The following ATP6V1C1 variants were observed in gnomAD, a reference collection of about 807,000 sequenced individuals.
The protein encoded by ATP6V1C1 is V-type proton ATPase subunit C 1.
In ATP6V1C1, 45 loss-of-function variants were observed where a neutral mutation model predicts 53.9. That is an observed-to-expected ratio of 0.83 (90% CI 0.66 to 1.07). ATP6V1C1 has a LOEUF of 1.07. Among genes scored for constraint, ATP6V1C1 ranks in the 50% least tolerant of loss-of-function variants. The pLI is 0.00. For missense variants in ATP6V1C1, 315 were observed against 440.3 expected (o/e 0.72, Z 2.55); for synonymous variants, 153 against 155.2 (o/e 0.99, Z 0.11).
At chr8:103,052,148 AG>A (rs1032808560) in intron 5 of ATP6V1C1, among the ~76,000 whole-genome samples, 68 of 152,212 alleles carry the variant, frequency 4.5e-4, no homozygotes, top group Non-Finnish European at 3.7e-4. Flanking sequence ...AGAGAGGTGA[AG>A]TGACTTACCC....
chr8:103,022,775 A>C (rs924489328), intron 1 of ATP6V1C1, among the ~76,000 whole-genome samples: 3 of 152,174 alleles, frequency 2.0e-5, no homozygotes, highest in Non-Finnish European at 4.4e-5. Context: ...CAGGCCTGGC[A>C]GGGTGGCTCG....
intron 1 of ATP6V1C1, 50 bp from the exon 2 acceptor site, chr8:103,040,748 A>C: frequency 6.8e-7 from 1 of 1,480,118 alleles, no homozygotes; most frequent in Middle Eastern, 1.8e-4. Context: ...GAAACACTTT[A>C]GAAACAAATG....
At chr8:103,067,012 T>C (rs1817503321) in intron 12 of ATP6V1C1, among the ~76,000 whole-genome samples, 1 of 151,986 alleles carries the variant, frequency 6.6e-6, no homozygotes, top group African/African-American at 2.4e-5. Context: ...ATGTATTATG[T>C]GTTTATATCT....
intron 1 of ATP6V1C1, chr8:103,021,578 G>GGT (rs1207593236): frequency 1.3e-5 from 2 of 151,436 alleles, no homozygotes; most frequent in African/African-American, 2.4e-5. Flanking sequence ...GCTATGGAGT[G>GGT]GTGTGTGTGA....
chr8:103,022,451 G>T (rs1370909929), intron 1 of ATP6V1C1, among the ~76,000 whole-genome samples: 1 of 152,066 alleles, frequency 6.6e-6, no homozygotes, highest in Non-Finnish European at 1.5e-5. Context: ...CTGTATGCAG[G>T]TACAGTGCTG....
Position 103,063,121 on chromosome 8 carries a change from T to TC in ATP6V1C1, c.735-9dup. The TC allele has an allele frequency of 6.2e-7, 1 of 1,611,954 alleles. No homozygotes were observed. The highest frequency in any genetic ancestry group is 1.1e-5 in the South Asian group (1 of 90,940). ...ACAATGTGAACAATTTTGTTTTTTT[T>TC]CCCCCAAATTTAGATTCATTGTTCG... On this transcript the variant is annotated splice_polypyrimidine_tract_variant and intron_variant, in intron 9 of 12. Transcript: ENST00000518738.
intron 1 of ATP6V1C1, among the ~76,000 whole-genome samples, chr8:103,036,250 AT>A (rs1816897712): frequency 6.6e-6 from 1 of 152,214 alleles, no homozygotes; most frequent in Admixed American, 6.5e-5. Flanking sequence ...CTCTCTGTGT[AT>A]TACTGCCTAT....
chr8:103,057,700 C>T (rs1029107591), intron 8 of ATP6V1C1, among the ~76,000 whole-genome samples: 2 of 152,096 alleles, frequency 1.3e-5, no homozygotes, highest in Admixed American at 6.6e-5. Context: ...GAGCATAGCA[C>T]CTTCCTTGTA....
chr8:103,055,691 T>G (rs886095143), intron 7 of ATP6V1C1, among the ~76,000 whole-genome samples, 177 bp from the exon 8 acceptor site: 2 of 152,204 alleles, frequency 1.3e-5, no homozygotes, highest in Non-Finnish European at 2.9e-5. Flanking sequence ...CCTGCATTAC[T>G]CAGTGTATTT....
chr8:103,038,241 G>A (rs1292191560), intron 1 of ATP6V1C1, among the ~76,000 whole-genome samples: 1 of 152,132 alleles, frequency 6.6e-6, no homozygotes, highest in Non-Finnish European at 1.5e-5. Context: ...CTGGTTGTTG[G>A]TTCTCTACAT....
chr8:103,037,595 T>C (rs1004910604), intron 1 of ATP6V1C1, among the ~76,000 whole-genome samples: 23 of 152,200 alleles, frequency 1.5e-4, no homozygotes, highest in Non-Finnish European at 2.8e-4. Context: ...TCTAGATTAT[T>C]CTCTGAATAT....
intron 3 of ATP6V1C1, among the ~76,000 whole-genome samples, chr8:103,044,958 A>G (rs564165970): frequency 6.6e-6 from 1 of 152,328 alleles, no homozygotes; most frequent in Non-Finnish European, 1.5e-5. Context: ...TTTGAAATTC[A>G]GGTACATGTG....
chr8:103,060,081 C>T (rs1817370217), intron 8 of ATP6V1C1, among the ~76,000 whole-genome samples: 1 of 151,480 alleles, frequency 6.6e-6, no homozygotes, highest in South Asian at 2.1e-4. Flanking sequence ...GAGTCTCCTT[C>T]CCCAGCTTCC....
chr8:103,045,055 G>C (rs1235043630), intron 3 of ATP6V1C1, among the ~76,000 whole-genome samples: 1 of 152,034 alleles, frequency 6.6e-6, no homozygotes, highest in Non-Finnish European at 1.5e-5. Context: ...TCAACTCTGG[G>C]GATACAAAGA....
chr8:103,058,798 A>G (rs908688404), intron 8 of ATP6V1C1, among the ~76,000 whole-genome samples: 1 of 152,252 alleles, frequency 6.6e-6, no homozygotes, highest in African/African-American at 2.4e-5. Context: ...AAAATATTCT[A>G]CAAAGATTGG....
intron 2 of ATP6V1C1, among the ~76,000 whole-genome samples, chr8:103,041,202 T>C (rs1188024356): frequency 1.3e-5 from 2 of 152,254 alleles, no homozygotes; most frequent in South Asian, 4.1e-4. Context: ...AAAAATCTTA[T>C]GAAAATGTTT....
At chr8:103,045,536 C>A (rs1248899755) in intron 3 of ATP6V1C1, among the ~76,000 whole-genome samples, 2 of 152,036 alleles carry the variant, frequency 1.3e-5, no homozygotes, top group South Asian at 2.1e-4. Context: ...TCATATAGAG[C>A]AAATTATTAT....
chr8:103,055,169 A>G (rs1817268540), intron 7 of ATP6V1C1, among the ~76,000 whole-genome samples: 1 of 152,146 alleles, frequency 6.6e-6, no homozygotes, highest in Non-Finnish European at 1.5e-5. Flanking sequence ...CCCAGATGAA[A>G]TATTTGACTC....
intron 10 of ATP6V1C1, chr8:103,064,461 C>T: frequency 1.9e-5 from 5 of 262,600 alleles, no homozygotes; most frequent in South Asian, 2.4e-4. Context: ...AAATATATAC[C>T]TTTTTCTGTG....
Sources: allele counts gnomAD v4.1 joint callset (sites outside exome capture counted in the v4.1 genomes callset), GRCh38; gene constraint gnomAD v4.1.1; transcripts MANE v1.5; gene names NCBI Gene and HGNC (gene_info 2026-07-23, HGNC 2026-07-21).